PRPF40B: variants seen among roughly 807,000 people sequenced by gnomAD.
The protein encoded by PRPF40B is pre-mRNA-processing factor 40 homolog B.
Under a neutral mutation model 124.5 loss-of-function variants are expected in PRPF40B, and 56 were observed. The ratio of observed to expected loss-of-function variants is 0.45; its 90% CI spans 0.36 to 0.56. The LOEUF is 0.56. PRPF40B is among the 20% of genes least tolerant of loss of function. The probability of loss-of-function intolerance (pLI) is 0.00; values close to 1 mark genes in which losing one functional copy is unlikely to be tolerated. For synonymous variants in PRPF40B, 443 were observed against 426.4 expected (o/e 1.04, Z -0.48); for missense variants, 1,053 against 1,169.5 (o/e 0.90, Z 1.45).
chr12:49,643,418 T>TA, intron 23 of PRPF40B, 21 bp downstream of exon 23: 1 of 1,535,156 alleles, frequency 6.5e-7, no homozygotes, highest in Non-Finnish European at 8.7e-7. Flanking sequence ...GCTGTGAGCG[T>TA]AGAAGCTGGA....
upstream of PRPF40B, among the ~76,000 whole-genome samples, chr12:49,622,998 G>A (rs577231141): frequency 2.1e-3 from 317 of 152,190 alleles, 3 homozygotes; most frequent in African/African-American, 7.0e-3. Flanking sequence ...GTGAACTTCA[G>A]GGTCACGCGA....
At chr12:49,623,547 C>T, upstream of PRPF40B, 1 of 1,244,486 alleles carries the variant, frequency 8.0e-7, no homozygotes, top group Non-Finnish European at 1.0e-6. Flanking sequence ...GCGGCTCTTA[C>T]TGGCGGGTGG....
chr12:49,641,804 C>G, intron 18 of PRPF40B, 104 bp from the exon 19 acceptor site: 1 of 915,346 alleles, frequency 1.1e-6, no homozygotes, highest in East Asian at 2.4e-5. Context: ...GGATCTCTTC[C>G]AGAGGCAAGG....
At chr12:49,632,832 T>C (rs753743007) in intron 5 of PRPF40B, 23 bp from the exon 6 acceptor site, 8 of 1,613,866 alleles carry the variant, frequency 5.0e-6, no homozygotes, top group Admixed American at 3.3e-5. Flanking sequence ...GGACTTAGTA[T>C]GTATCCTTTG....
Position 49,635,333 on chromosome 12 carries a change from G to C in PRPF40B, c.1167-32G>C, listed in dbSNP as rs1333184287. ...CAAAGGTCCAGGGTCTCTGTTCTCT[G>C]TCTACCTACTCACAGCTTATATGCT... On this transcript the variant is annotated intron_variant, in intron 13 of 25. Transcript: ENST00000548825. The surrounding 1 kb of genome is among the most constrained non-coding windows in gnomAD (Gnocchi z 4.1). 5 of 1,609,778 alleles carry C rather than the reference G, an allele frequency of 3.1e-6. No individual in the cohort carries two copies. Among genetic ancestry groups the C allele is most frequent in the African/African-American group, 1.3e-5 (1 of 74,724 alleles).
rs1430885467 is a variant in PRPF40B, at chr12:49,643,370, T to C, written c.2353T>C (p.Ser785Pro). ...SGGAALGGRG[S>P]PSSHLLGADH... Reference sequence around the variant, plus strand: ...GGGTGCTGCCCTTGGAGGACGGGGCTCCCCTTCCTCCCATCTTCTTGGAGC... The same window carrying C: ...GGGTGCTGCCCTTGGAGGACGGGGCCCCCCTTCCTCCCATCTTCTTGGAGC... Residue 785 changes from serine to proline, a missense_variant, in exon 23 of 26, where the codon TCC (serine) becomes CCC (proline). Ser to Pro is a moderately conservative substitution (Grantham distance 74, BLOSUM62 -1). This residue lies in a region of PRPF40B where 895 missense variants were observed against 1,052.2 expected (regional missense o/e 0.85). Transcript: ENST00000548825. 1 of 1,572,788 alleles carries C rather than the reference T, an allele frequency of 6.4e-7. No homozygotes were observed. Among genetic ancestry groups the C allele is most frequent in the Non-Finnish European group, 8.6e-7 (1 of 1,160,842 alleles).
chr12:49,633,108 T>C lies in PRPF40B; in HGVS notation c.443T>C (p.Leu148Pro), dbSNP rs145167972. ...TCCGTGTGGGAGAAGCCCAGCGTGCTCAAGTCCAAGGCAGAGGTCCTGAGC... is the reference window on the plus strand; with the variant it reads ...TCCGTGTGGGAGAAGCCCAGCGTGCCCAAGTCCAAGGCAGAGGTCCTGAGC... ...KQSVWEKPSV[L>P]KSKAELLLSQ... Residue 148 changes from leucine (L) to proline (P), a missense_variant, in exon 7 of 26, where the codon CTC (leucine) becomes CCC (proline). Around this residue, in one of 2 missense-constraint regions of PRPF40B, gnomAD observed 895 missense variants for 1,052.2 expected, o/e 0.85. Transcript: ENST00000548825. 3.1e-6 allele frequency: 5 copies of C among 1,596,022 alleles called. No homozygotes were observed. The highest frequency in any genetic ancestry group is 4.3e-6 in the Non-Finnish European group (5 of 1,172,262).
chr12:49,642,295 C>T lies in PRPF40B; in HGVS notation c.1945C>T (p.Arg649Trp), dbSNP rs568879545. 1.7e-5 allele frequency: 27 copies of T among 1,614,170 alleles called. No homozygotes were observed. Among genetic ancestry groups the T allele is most frequent in the African/African-American group, 1.1e-4 (8 of 75,060 alleles). Reference protein sequence around the residue: ...EREKEEARRMRRREAAFRSML... With the variant: ...EREKEEARRMWRREAAFRSML... Reference sequence around the variant, plus strand: ...GGAGAAGGAGGAGGCACGCAGGATGCGGCGCAGGGAAGCTGCCTTTCGAAG... The same window carrying T: ...GGAGAAGGAGGAGGCACGCAGGATGTGGCGCAGGGAAGCTGCCTTTCGAAG... The change falls in exon 20 of 26, where the codon CGG becomes TGG. Residue 649 changes from arginine (R) to tryptophan (W), a missense_variant. Coordinates refer to ENST00000548825, the MANE Select transcript of PRPF40B (RefSeq NM_001031698.3). This position sits in a 1 kb window ranked among gnomAD's most constrained non-coding sequence, Gnocchi z 5.8.
At chr12:49,633,774 T>A in intron 9 of PRPF40B, 112 bp from the exon 10 acceptor site, 2 of 1,605,404 alleles carry the variant, frequency 1.2e-6, no homozygotes, top group East Asian at 2.2e-5. Context: ...TGTCTCCTTG[T>A]GGAGTCATCC....
chr12:49,643,572 C>T, intron 23 of PRPF40B, 119 bp from the exon 24 acceptor site: 1 of 1,373,294 alleles, frequency 7.3e-7, no homozygotes, highest in Non-Finnish European at 9.8e-7. Context: ...GAAAACTGGA[C>T]TTAGACTTCC....
chr12:49,625,797 A>C lies in PRPF40B; in HGVS notation c.3+2204A>C, dbSNP rs549751274. Among the ~76,000 whole-genome samples the C allele has an allele frequency of 2.0e-5, 3 of 152,334 alleles. No homozygotes were observed. The East Asian group carries it at 5.8e-4, about 29-fold the overall frequency. On this transcript the variant is annotated intron_variant, in intron 1 of 25. Transcript: ENST00000548825. ...TTCCCTGTCACTAGTTAATGTCTTC[A>C]TATTCTCACCCAGAAATAAAATAAG...
Position 49,643,973 on chromosome 12 carries a change from G to C in PRPF40B, c.2555G>C (p.Arg852Pro). The change falls in exon 25 of 26, where the codon CGT becomes CCT. Residue 852 changes from arginine (R) to proline (P), a missense_variant. Transcript: ENST00000548825. ...RELQQAELPN[R>P]SPGFGIKKEK... ...CTCCAACAGGCAGAGCTCCCTAACC[G>C]TTCCCCAGGCTTTGGAATCAAGAAG... 6.2e-7 allele frequency: 1 copy of C among 1,614,186 alleles called. No individual in the cohort carries two copies. The highest frequency in any genetic ancestry group is 8.5e-7 in the Non-Finnish European group (1 of 1,180,032).
At chr12:49,637,400 C>G in intron 16 of PRPF40B, 70 bp from the exon 17 acceptor site, 1 of 1,066,378 alleles carries the variant, frequency 9.4e-7, no homozygotes, top group Non-Finnish European at 1.4e-6. Context: ...GCCATTCCCT[C>G]TCTTCCCCCT....
chr12:49,641,721 T>G (rs1251780285), intron 18 of PRPF40B, 187 bp from the exon 19 acceptor site: 1 of 586,774 alleles, frequency 1.7e-6, no homozygotes, highest in Non-Finnish European at 3.0e-6. Flanking sequence ...AAACCAAGGG[T>G]AGGCATGGGG....
Position 49,632,150 on chromosome 12 carries a change from C to T in PRPF40B, c.294+225C>T, listed in dbSNP as rs193281040. 1.1e-3 allele frequency: 699 copies of T among 617,040 alleles called. 1 individual carries two copies. Among genetic ancestry groups the T allele is most frequent in the Non-Finnish European group, 1.6e-3 (552 of 342,816 alleles). 38.2% of individuals were successfully genotyped at this position (617,040 alleles called of 1,614,324 possible). ...ATACATTCTCTTGTTACTCACGTGCCTTGTCCAGCTCCCTTAAGGAGCACA... is the reference window on the plus strand; with the variant it reads ...ATACATTCTCTTGTTACTCACGTGCTTTGTCCAGCTCCCTTAAGGAGCACA... On this transcript the variant is annotated intron_variant, in intron 4 of 25. Coordinates refer to ENST00000548825, the MANE Select transcript of PRPF40B (RefSeq NM_001031698.3).
At chr12:49,634,793 C>T (rs1941592642) in intron 12 of PRPF40B, 191 bp downstream of exon 12, 1 of 663,158 alleles carries the variant, frequency 1.5e-6, no homozygotes, top group East Asian at 2.7e-5. Flanking sequence ...TCTGACACAA[C>T]ACGTTCAATA....
chr12:49,623,250 G>C (rs539432621), upstream of PRPF40B, among the ~76,000 whole-genome samples: 1,216 of 151,986 alleles, frequency 8.0e-3, 10 homozygotes, highest in Non-Finnish European at 0.014. Flanking sequence ...CTGGAGCGCC[G>C]GCGACTGCGA....
chr12:49,641,044 G>C (rs1942568801), intron 18 of PRPF40B: 1 of 152,292 alleles, frequency 6.6e-6, no homozygotes, highest in South Asian at 2.1e-4. Flanking sequence ...GGGAGAGAAA[G>C]GGAATCTGGC....
At position 49,630,597 on chromosome 12, in the gene PRPF40B, C is replaced by A; in HGVS notation, c.56C>A (p.Pro19Gln). 1 of 1,347,270 alleles carries A rather than the reference C, an allele frequency of 7.4e-7. No homozygotes were observed. Among genetic ancestry groups the A allele is most frequent in the Non-Finnish European group, 1.1e-6 (1 of 939,280 alleles). The allele number at this position is 1,347,270 out of a possible 1,614,324, so 83.5% of individuals were successfully genotyped here. The change falls in exon 2 of 26, where the codon CCG (proline) becomes CAG (glutamine). Residue 19 changes from proline to glutamine, a missense_variant. By Grantham distance (76) the Pro-to-Gln change is moderately conservative. Coordinates refer to ENST00000548825, the MANE Select transcript of PRPF40B (RefSeq NM_001031698.3). ...CCAGCAGCGCCTGCCCCCTTCCCAC[C>A]GGGGCCCCCCATGATGCCACCACCC... The part of the protein sequence containing the change: ...RPPAAPAPFP[P>Q]GPPMMPPPFM...
Sources: gnomAD v4.1 joint callset for allele counts (sites outside exome capture counted in the v4.1 genomes callset) on GRCh38, gnomAD v4.1.1 for gene constraint, gnomAD v4.1.1 regional missense constraint, Gnocchi (gnomAD v3.1) non-coding constraint, MANE v1.5 for transcripts, NCBI Gene and HGNC (gene_info 2026-07-23, HGNC 2026-07-21) for gene names.